Variants in NR3C2 observed in about 807,000 individuals in gnomAD.
NR3C2 encodes mineralocorticoid receptor.
In NR3C2, 15 loss-of-function variants were observed where a neutral mutation model predicts 86.4. The observed-to-expected ratio is 0.17, with a 90% CI of 0.12 to 0.27. The LOEUF (loss-of-function observed/expected upper bound fraction) is 0.27. NR3C2 is among the 10% of genes least tolerant of loss of function. NR3C2 has a pLI of 1.00. For missense variants in NR3C2, 960 were observed against 1,195.6 expected, an observed-to-expected ratio of 0.80 and a Z score of 2.91; for synonymous variants, 458 against 450.5, an observed-to-expected ratio of 1.02 and a Z score of -0.21.
At chr4:148,263,399 A>G (rs896029083) in intron 2 of NR3C2, among the ~76,000 whole-genome samples, 4 of 152,190 alleles carry the variant, frequency 2.6e-5, no homozygotes, top group African/African-American at 7.2e-5. Flanking sequence ...CCAGCTTTGC[A>G]AACTCTCACA....
intron 3 of NR3C2, among the ~76,000 whole-genome samples, chr4:148,252,192 G>A (rs765259585): frequency 7.9e-5 from 12 of 152,118 alleles, no homozygotes; most frequent in African/African-American, 2.4e-4. Flanking sequence ...AGTTCCTAGC[G>A]TAAAGAGCAC....
Position 148,198,515 on chromosome 4 carries a change from T to C in NR3C2, c.1898-3653A>G, listed in dbSNP as rs371018467. Among the ~76,000 whole-genome samples the C allele has an allele frequency of 3.9e-5, 6 of 152,210 alleles. No individual in the cohort carries two copies. The East Asian group carries it at 7.8e-4, about 20-fold the overall frequency. ...GGACCAGCTTCGCAACCAGGGTCCATCTGGGTCTCAATCCTACCTGAGTCA... is the reference window on the plus strand; with the variant it reads ...GGACCAGCTTCGCAACCAGGGTCCACCTGGGTCTCAATCCTACCTGAGTCA... On this transcript the variant is annotated intron_variant, in intron 3 of 8. Coordinates refer to ENST00000358102, the MANE Select transcript of NR3C2 (RefSeq NM_000901.5).
intron 2 of NR3C2, among the ~76,000 whole-genome samples, chr4:148,412,372 A>T (rs1304008953): frequency 1.3e-5 from 2 of 152,220 alleles, no homozygotes; most frequent in Non-Finnish European, 2.9e-5. Context: ...AAATTGGTTA[A>T]ATTTCAGAAG....
chr4:148,257,411 T>A (rs1159497715), intron 3 of NR3C2, among the ~76,000 whole-genome samples: 5 of 152,232 alleles, frequency 3.3e-5, no homozygotes, highest in African/African-American at 1.2e-4. Flanking sequence ...CAAGAACTGA[T>A]ATGGCAAAAT....
chr4:148,117,931 A>C (rs1732344692), intron 7 of NR3C2, among the ~76,000 whole-genome samples: 1 of 152,196 alleles, frequency 6.6e-6, no homozygotes, highest in Non-Finnish European at 1.5e-5. Context: ...CTCTCCTCTG[A>C]AGTCCATACC....
At chr4:148,253,430 G>A (rs1327905487) in intron 3 of NR3C2, among the ~76,000 whole-genome samples, 1 of 152,182 alleles carries the variant, frequency 6.6e-6, no homozygotes, top group Non-Finnish European at 1.5e-5. Flanking sequence ...GTTGGAAATA[G>A]AAGGAGAGAG....
rs7691775 is a variant in NR3C2, at chr4:148,258,368, C to T, written c.1897+1610G>A. On this transcript the variant is annotated intron_variant, in intron 3 of 8. Coordinates refer to ENST00000358102, the MANE Select transcript of NR3C2 (RefSeq NM_000901.5). ...AGAGAGAAGGAGGCAGGGGAAGCCT[C>T]ACAAAAGCAAACTGACTTCAGTATT... Among the ~76,000 whole-genome samples, 261 of 152,336 alleles carry T rather than the reference C, an allele frequency of 1.7e-3. 1 individual carries two copies. Among genetic ancestry groups the T allele is most frequent in the Admixed American group, 3.7e-3 (57 of 15,298 alleles).
intron 2 of NR3C2, among the ~76,000 whole-genome samples, chr4:148,338,834 A>G (rs1043236290): frequency 6.6e-6 from 1 of 152,210 alleles, no homozygotes; most frequent in African/African-American, 2.4e-5. Context: ...TTAACAATAA[A>G]AGCATAGGGG....
intron 3 of NR3C2, among the ~76,000 whole-genome samples, chr4:148,223,809 G>A (rs10021521): frequency 0.96 from 145,516 of 152,300 alleles, 69,853 homozygotes; most frequent in East Asian, 1. Context: ...TGAAATAATC[G>A]TGATGTTATC....
At chr4:148,300,587 C>CTTTTTTTTTTTTTTTTTTT (rs1561027556) in intron 2 of NR3C2, among the ~76,000 whole-genome samples, 1 of 67,830 alleles carries the variant, frequency 1.5e-5, no homozygotes, top group African/African-American at 4.7e-5. Flanking sequence ...CCTTGCTACT[C>CTTTTTTTTTTTTTTTTTTT]ATTTTTTTTT....
At chr4:148,264,034 AG>A (rs1179731772) in intron 2 of NR3C2, among the ~76,000 whole-genome samples, 3 of 152,224 alleles carry the variant, frequency 2.0e-5, no homozygotes, top group African/African-American at 7.2e-5. Context: ...ATCTCATTAC[AG>A]TAGAACATAA....
intron 1 of NR3C2, among the ~76,000 whole-genome samples, chr4:148,437,448 G>T (rs1158467666): frequency 2.6e-5 from 4 of 152,076 alleles, no homozygotes; most frequent in African/African-American, 4.8e-5. Context: ...AATAATTTTT[G>T]ATTTTTTTAA....
rs1750391502 is a variant in NR3C2, at chr4:148,442,391, C to A, written c.-234G>T. 6.5e-6 allele frequency: 1 copy of A among 153,778 alleles called. No homozygotes were observed. Among genetic ancestry groups the A allele is most frequent in the African/African-American group, 2.4e-5 (1 of 41,486 alleles). 9.5% of individuals were successfully genotyped at this position (153,778 alleles called of 1,614,324 possible). On this transcript the variant is annotated 5_prime_UTR_variant, in exon 1 of 9. Transcript: ENST00000358102. ...CTCCCGTCTCCCGGGCCCAATGACA[C>A]CCCGGGCGCGGAGGGGCTGAGAGGA...
chr4:148,200,194 C>G (rs915910228), intron 3 of NR3C2, among the ~76,000 whole-genome samples: 2 of 152,330 alleles, frequency 1.3e-5, no homozygotes, highest in African/African-American at 4.8e-5. Context: ...GTAGCCCAGC[C>G]ACTTCCAGAG....
intron 4 of NR3C2, among the ~76,000 whole-genome samples, chr4:148,156,827 A>G (rs991680716): frequency 7.9e-5 from 12 of 152,106 alleles, no homozygotes; most frequent in African/African-American, 2.9e-4. Flanking sequence ...AGGACTATAA[A>G]TCACGCTGTG....
chr4:148,277,767 A>T (rs576452935), intron 2 of NR3C2, among the ~76,000 whole-genome samples: 1 of 152,126 alleles, frequency 6.6e-6, no homozygotes, highest in South Asian at 2.1e-4. Flanking sequence ...TGCTCCCATG[A>T]CCCCACCCCA....
intron 3 of NR3C2, among the ~76,000 whole-genome samples, chr4:148,205,918 G>T (rs1736981367): frequency 6.6e-6 from 1 of 152,158 alleles, no homozygotes; most frequent in South Asian, 2.1e-4. Context: ...ATTTTGGGAT[G>T]GGTGAGTTTT....
At chr4:148,225,180 C>T (rs993901192) in intron 3 of NR3C2, among the ~76,000 whole-genome samples, 1 of 152,116 alleles carries the variant, frequency 6.6e-6, no homozygotes. Flanking sequence ...CTCTCTGACT[C>T]TCAACCCTAG....
intron 2 of NR3C2, among the ~76,000 whole-genome samples, chr4:148,417,112 T>C (rs954996969): frequency 6.6e-6 from 1 of 152,180 alleles, no homozygotes; most frequent in African/African-American, 2.4e-5. Context: ...TGTTCATGTC[T>C]TTTCCTTGTT....
Sources: allele counts gnomAD v4.1 joint callset (sites outside exome capture counted in the v4.1 genomes callset), GRCh38; gene constraint gnomAD v4.1.1; transcripts MANE v1.5; gene names NCBI Gene and HGNC (gene_info 2026-07-23, HGNC 2026-07-21).